ADAM18: variants seen among roughly 807,000 people sequenced by gnomAD.
ADAM18 encodes the protein ADAM metallopeptidase domain 18, also known as disintegrin and metalloproteinase domain-containing protein 18.
In ADAM18, 117 loss-of-function variants were observed where a neutral mutation model predicts 94.4. The observed-to-expected ratio is 1.24, with a 90% CI of 1.07 to 1.45. ADAM18 has a LOEUF of 1.45. ADAM18 is among the 40% of genes most tolerant of loss of function. The probability of loss-of-function intolerance (pLI) is 0.00; values close to 1 mark genes in which losing one functional copy is unlikely to be tolerated. For synonymous variants in ADAM18, 327 were observed against 291.6 expected (o/e 1.12, Z -1.24); for missense variants, 936 against 880.0 (o/e 1.06, Z -0.81).
chr8:39,677,200 A>T lies in ADAM18; in HGVS notation c.1526-231A>T, dbSNP rs148846430. Among the ~76,000 whole-genome samples, 913 of 152,318 alleles carry T rather than the reference A, an allele frequency of 6.0e-3. 5 individuals carry two copies. The highest frequency in any genetic ancestry group is 0.021 in the African/African-American group (868 of 41,566). On this transcript the variant is annotated intron_variant, in intron 14 of 19. Coordinates refer to ENST00000265707, the MANE Select transcript of ADAM18 (RefSeq NM_014237.3). ...GTATTTGCTCCCACCAGAAAGAGAA[A>T]CATATTGTTTTAAAAATAATATAAC...
intron 12 of ADAM18, among the ~76,000 whole-genome samples, chr8:39,651,884 G>A (rs189824059): frequency 7.0e-4 from 106 of 152,116 alleles, no homozygotes; most frequent in Middle Eastern, 3.4e-3. Context: ...AAAACAGCAT[G>A]ATAATGACAT....
intron 7 of ADAM18, 28 bp from the exon 8 acceptor site, chr8:39,637,236 T>G (rs1241292599): frequency 2.0e-6 from 3 of 1,495,026 alleles, no homozygotes; most frequent in Non-Finnish European, 2.7e-6. Flanking sequence ...AAATAATACT[T>G]TCATGAAAAA....
At chr8:39,605,964 T>C (rs1819069667) in intron 2 of ADAM18, among the ~76,000 whole-genome samples, 1 of 152,182 alleles carries the variant, frequency 6.6e-6, no homozygotes. Context: ...TGTTTGGTTT[T>C]CTATTCTTGA....
chr8:39,620,703 G>A (rs944614930), intron 6 of ADAM18, among the ~76,000 whole-genome samples: 2 of 149,896 alleles, frequency 1.3e-5, no homozygotes, highest in South Asian at 4.2e-4. Context: ...CCTATCAGCA[G>A]CAACAGCATA....
At chr8:39,697,107 T>C (rs1821948111) in intron 17 of ADAM18, among the ~76,000 whole-genome samples, 1 of 151,616 alleles carries the variant, frequency 6.6e-6, no homozygotes, top group African/African-American at 2.4e-5. Context: ...TAAGTAGTAT[T>C]CTATTCTTTC....
chr8:39,649,662 C>T (rs1417521988), intron 12 of ADAM18, among the ~76,000 whole-genome samples: 26 of 152,058 alleles, frequency 1.7e-4, no homozygotes, highest in South Asian at 2.1e-4. Flanking sequence ...TTTGCTGTTC[C>T]GGCAGTATTT....
intron 13 of ADAM18, among the ~76,000 whole-genome samples, chr8:39,666,589 G>A (rs1000779044): frequency 7.2e-5 from 11 of 152,164 alleles, no homozygotes; most frequent in Admixed American, 2.6e-4. Flanking sequence ...TGGACTCGCA[G>A]CTCCTCATGG....
At chr8:39,691,617 G>T (rs1169398933) in intron 16 of ADAM18, among the ~76,000 whole-genome samples, 1 of 151,620 alleles carries the variant, frequency 6.6e-6, no homozygotes, top group African/African-American at 2.4e-5. Context: ...AAGAAAATGT[G>T]GTACATACAC....
At chr8:39,616,269 G>T (rs568781010) in intron 6 of ADAM18, among the ~76,000 whole-genome samples, 3 of 152,040 alleles carry the variant, frequency 2.0e-5, no homozygotes, top group Non-Finnish European at 2.9e-5. Flanking sequence ...GAGTGGTGGC[G>T]TGCACGTGTA....
At chr8:39,646,009 T>C (rs1820364724) in intron 11 of ADAM18, among the ~76,000 whole-genome samples, 1 of 152,152 alleles carries the variant, frequency 6.6e-6, no homozygotes, top group African/African-American at 2.4e-5. Context: ...AATAACATTA[T>C]TCTGTGTAAT....
intron 16 of ADAM18, among the ~76,000 whole-genome samples, chr8:39,681,332 C>A (rs1240061418): frequency 6.6e-6 from 1 of 152,144 alleles, no homozygotes; most frequent in Non-Finnish European, 1.5e-5. Flanking sequence ...ACCACACAAG[C>A]AAGCTATGAA....
In ADAM18 at chr8:39,584,591, C is replaced by G; in HGVS notation, c.-32C>G. The G allele has an allele frequency of 6.2e-7, 1 of 1,610,720 alleles. No individual in the cohort carries two copies. Among genetic ancestry groups the G allele is most frequent in the Non-Finnish European group, 8.5e-7 (1 of 1,179,780 alleles). On this transcript the variant is annotated 5_prime_UTR_variant, in exon 1 of 20. Coordinates refer to ENST00000265707, the MANE Select transcript of ADAM18 (RefSeq NM_014237.3). ...TCAACGCTGCTCAACGGTCTCTGTC[C>G]TTGGCTGTGGCTCCTGCGCTCTGGC...
At chr8:39,723,434 AT>A (rs1040232644) in intron 18 of ADAM18, among the ~76,000 whole-genome samples, 32 of 151,746 alleles carry the variant, frequency 2.1e-4, no homozygotes, top group African/African-American at 7.5e-4. Flanking sequence ...CAAAGTATAC[AT>A]TTTTTAAAAT....
chr8:39,685,642 G>A (rs1000839820), intron 16 of ADAM18, among the ~76,000 whole-genome samples: 14 of 152,146 alleles, frequency 9.2e-5, no homozygotes, highest in African/African-American at 3.1e-4. Flanking sequence ...TCCTGAACAT[G>A]CTTTTTCATT....
intron 17 of ADAM18, among the ~76,000 whole-genome samples, chr8:39,698,189 C>T (rs7464542): frequency 0.89 from 134,726 of 151,832 alleles, 59,859 homozygotes; most frequent in Admixed American, 0.93. Flanking sequence ...ATTATTATTC[C>T]GCCATTTCTA....
chr8:39,594,485 T>C (rs1818676701), intron 2 of ADAM18, among the ~76,000 whole-genome samples: 1 of 152,124 alleles, frequency 6.6e-6, no homozygotes, highest in South Asian at 2.1e-4. Flanking sequence ...TATTTAGTCG[T>C]TTTCTTAGTG....
chr8:39,683,405 G>A (rs1821524276), intron 16 of ADAM18, among the ~76,000 whole-genome samples: 1 of 152,190 alleles, frequency 6.6e-6, no homozygotes, highest in African/African-American at 2.4e-5. Flanking sequence ...GCGATAATAT[G>A]TGTATTGTTT....
chr8:39,658,993 A>G (rs543703268), intron 12 of ADAM18, among the ~76,000 whole-genome samples: 1 of 152,324 alleles, frequency 6.6e-6, no homozygotes, highest in Non-Finnish European at 1.5e-5. Flanking sequence ...GATGAATAAT[A>G]AATGTAAAGA....
chr8:39,652,013 A>G (rs1820553427), intron 12 of ADAM18, among the ~76,000 whole-genome samples: 2 of 152,168 alleles, frequency 1.3e-5, no homozygotes, highest in African/African-American at 4.8e-5. Context: ...GAAGAACAAA[A>G]TTAGACTCTT....
Sources: gnomAD v4.1 joint callset for allele counts (sites outside exome capture counted in the v4.1 genomes callset) on GRCh38, gnomAD v4.1.1 for gene constraint, MANE v1.5 for transcripts, NCBI Gene and HGNC (gene_info 2026-07-23, HGNC 2026-07-21) for gene names.